Variants in BMPR1B observed in about 807,000 individuals in gnomAD.
The protein encoded by BMPR1B is bone morphogenetic protein receptor type 1B.
Under a neutral mutation model 59.1 loss-of-function variants are expected in BMPR1B, and 12 were observed. That is an observed-to-expected ratio of 0.20 (90% confidence interval 0.13 to 0.33). The LOEUF is 0.33. BMPR1B is among the 10% of genes least tolerant of loss of function. The pLI is 1.00. For missense variants in BMPR1B, 550 were observed against 610.9 expected, an observed-to-expected ratio of 0.90 and a Z score of 1.05; for synonymous variants, 237 against 207.3, an observed-to-expected ratio of 1.14 and a Z score of -1.23.
intron 2 of BMPR1B, among the ~76,000 whole-genome samples, chr4:94,995,345 C>T (rs757547589): frequency 3.3e-5 from 5 of 151,546 alleles, no homozygotes; most frequent in Middle Eastern, 3.4e-3. Flanking sequence ...GTTATACTTT[C>T]CTATACATTT....
chr4:94,921,553 T>C (rs1368424723), intron 2 of BMPR1B, among the ~76,000 whole-genome samples: 6 of 151,254 alleles, frequency 4.0e-5, no homozygotes, highest in Middle Eastern at 3.2e-3. Context: ...TGGGGGGAGG[T>C]ACTCCACACT....
At position 95,115,705 on chromosome 4, in the gene BMPR1B, A is replaced by G. The variant is rs558142045; in HGVS notation, c.267A>G (p.Gln89=). 1 of 1,613,692 alleles carries G rather than the reference A, an allele frequency of 6.2e-7. No individual in the cohort carries two copies. Among genetic ancestry groups the G allele is most frequent in the Non-Finnish European group, 8.5e-7 (1 of 1,179,706 alleles). Residue 89 remains glutamine (Q), a synonymous_variant, in exon 6 of 13, where the codon CAA becomes CAG. Coordinates refer to ENST00000515059, the MANE Select transcript of BMPR1B (RefSeq NM_001203.3). ...FQCRDTPIPH[Q]RRSIECCTER... is the part of the protein sequence containing the mutation. ...TATAGGACACTCCCATTCCTCATCA[A>G]AGAAGATCAATTGAATGCTGCACAG...
intron 2 of BMPR1B, among the ~76,000 whole-genome samples, chr4:94,893,475 A>G (rs955355586): frequency 6.6e-5 from 10 of 152,084 alleles, no homozygotes; most frequent in Non-Finnish European, 1.2e-4. Context: ...ATATGTTCTT[A>G]GAGAAAATAT....
chr4:95,007,420 A>G (rs1215762430), intron 3 of BMPR1B, among the ~76,000 whole-genome samples: 2 of 152,214 alleles, frequency 1.3e-5, no homozygotes, highest in African/African-American at 4.8e-5. Flanking sequence ...ACAGAAAATA[A>G]TATTCAAAAC....
At chr4:95,018,288 A>T (rs1472639004) in intron 3 of BMPR1B, among the ~76,000 whole-genome samples, 1 of 152,160 alleles carries the variant, frequency 6.6e-6, no homozygotes, top group African/African-American at 2.4e-5. Flanking sequence ...GAAGTTTTGG[A>T]TTGAGTTGGG....
At chr4:95,023,824 G>A (rs1014746594) in intron 3 of BMPR1B, among the ~76,000 whole-genome samples, 2 of 152,148 alleles carry the variant, frequency 1.3e-5, no homozygotes, top group Admixed American at 1.3e-4. Context: ...TTATACATAT[G>A]ACTAATGTGA....
intron 2 of BMPR1B, among the ~76,000 whole-genome samples, chr4:94,986,747 A>C (rs930045470): frequency 2.6e-5 from 4 of 152,050 alleles, no homozygotes; most frequent in Non-Finnish European, 5.9e-5. Context: ...ATTTTGATTA[A>C]AAATATAAAA....
chr4:94,977,403 CT>C (rs1180325353), intron 2 of BMPR1B, among the ~76,000 whole-genome samples: 1 of 150,086 alleles, frequency 6.7e-6, no homozygotes, highest in Non-Finnish European at 1.5e-5. Context: ...GAAGCTCTTT[CT>C]TATTTTGAGA....
intron 3 of BMPR1B, among the ~76,000 whole-genome samples, chr4:95,038,556 G>A (rs1333106285): frequency 1.3e-5 from 2 of 152,064 alleles, no homozygotes; most frequent in Non-Finnish European, 2.9e-5. Context: ...AAAGGCAGAG[G>A]AAAAATTATG....
At chr4:94,903,644 T>A (rs562012753) in intron 2 of BMPR1B, among the ~76,000 whole-genome samples, 1 of 152,098 alleles carries the variant, frequency 6.6e-6, no homozygotes, top group East Asian at 1.9e-4. Context: ...TTATAATTTA[T>A]ACGTTGAAAT....
At position 94,835,893 on chromosome 4, in the gene BMPR1B, A is replaced by G. The variant is rs547654026; in HGVS notation, c.-182-39938A>G. ...CATCTAGCATTAGATATATCTCCCA[A>G]TGCTATCCCTCCCCCCTCCCCCCAC... On this transcript the variant is annotated intron_variant, in intron 1 of 12. Transcript: ENST00000515059. Among the ~76,000 whole-genome samples the G allele has an allele frequency of 4.9e-3, 583 of 117,928 alleles. 3 individuals are homozygous for G. Among genetic ancestry groups the G allele is most frequent in the African/African-American group, 0.019 (555 of 28,464 alleles). 77.4% of individuals were successfully genotyped at this position (117,928 alleles called of 152,430 possible). A position where few individuals can be genotyped will look rare whatever the true frequency, so the allele number is the denominator to read the frequency against.
intron 2 of BMPR1B, among the ~76,000 whole-genome samples, chr4:94,929,020 T>C (rs1728994740): frequency 6.6e-6 from 1 of 152,114 alleles, no homozygotes; most frequent in Non-Finnish European, 1.5e-5. Context: ...TGAACAGTTT[T>C]CATGATACAT....
At chr4:95,041,878 G>A (rs138853923) in intron 3 of BMPR1B, among the ~76,000 whole-genome samples, 1,720 of 151,008 alleles carry the variant, frequency 0.011, 24 homozygotes, top group African/African-American at 0.038. Context: ...TTTTTGAGAC[G>A]GAGTCTTGCT....
chr4:94,896,142 T>C (rs1727576380), intron 2 of BMPR1B, among the ~76,000 whole-genome samples: 1 of 152,032 alleles, frequency 6.6e-6, no homozygotes, highest in South Asian at 2.1e-4. Flanking sequence ...TTGCTAATAC[T>C]AACTCAAAGG....
intron 3 of BMPR1B, among the ~76,000 whole-genome samples, chr4:95,036,845 G>A (rs1164878708): frequency 6.6e-6 from 1 of 151,804 alleles, no homozygotes; most frequent in Non-Finnish European, 1.5e-5. Context: ...AACAGTGTAC[G>A]AGGGTTCCCT....
intron 2 of BMPR1B, among the ~76,000 whole-genome samples, chr4:94,899,936 G>A (rs1727741624): frequency 6.6e-6 from 1 of 151,860 alleles, no homozygotes; most frequent in African/African-American, 2.4e-5. Context: ...TCTATACCAG[G>A]CACAGAGCTT....
At chr4:94,801,045 A>G (rs903080504) in intron 1 of BMPR1B, among the ~76,000 whole-genome samples, 2 of 152,184 alleles carry the variant, frequency 1.3e-5, no homozygotes, top group Non-Finnish European at 2.9e-5. Context: ...GAGGGTGTGA[A>G]CAGAGACCTA....
intron 1 of BMPR1B, among the ~76,000 whole-genome samples, chr4:94,859,129 A>G (rs1037351828): frequency 6.6e-6 from 1 of 152,202 alleles, no homozygotes; most frequent in Non-Finnish European, 1.5e-5. Context: ...CTGTTGTCCC[A>G]TCAGACTGTC....
intron 2 of BMPR1B, among the ~76,000 whole-genome samples, chr4:94,900,488 GAAATTTT>G (rs1727769248): frequency 6.6e-6 from 1 of 151,988 alleles, no homozygotes; most frequent in African/African-American, 2.4e-5. Flanking sequence ...GATGACTTCA[GAAATTTT>G]CAATGCCTAG....
Sources: allele counts gnomAD v4.1 joint callset (sites outside exome capture counted in the v4.1 genomes callset), GRCh38; gene constraint gnomAD v4.1.1; transcripts MANE v1.5; gene names NCBI Gene and HGNC (gene_info 2026-07-23, HGNC 2026-07-21).